Variants in TRIO observed in about 807,000 individuals in gnomAD.
The protein encoded by TRIO is triple functional domain protein.
Under a neutral mutation model 351.9 loss-of-function variants are expected in TRIO, and 58 were observed. That is an observed-to-expected ratio of 0.16 (90% CI 0.13 to 0.21). The LOEUF (loss-of-function observed/expected upper bound fraction) is 0.21. TRIO is among the 10% of genes least tolerant of loss of function. The probability of loss-of-function intolerance (pLI) is 1.00; values close to 1 mark genes in which losing one functional copy is unlikely to be tolerated. For missense variants in TRIO, 3,201 were observed against 4,027.8 expected (o/e 0.79, Z 5.56); for synonymous variants, 1,758 against 1,595.7 (o/e 1.10, Z -2.42).
chr5:14,268,036 A>T (rs1032318410), intron 1 of TRIO, among the ~76,000 whole-genome samples: 1 of 152,240 alleles, frequency 6.6e-6, no homozygotes, highest in Non-Finnish European at 1.5e-5. Flanking sequence ...ACCTTTTCAC[A>T]TAAGTTTCTC....
Position 14,465,568 on chromosome 5 carries a change from C to T in TRIO, c.5691C>T (p.Arg1897=). The T allele has an allele frequency of 2.5e-6, 4 of 1,614,046 alleles. No homozygotes were observed. Among genetic ancestry groups the T allele is most frequent in the Non-Finnish European group, 3.4e-6 (4 of 1,180,020 alleles). Residue 1897 remains arginine, a synonymous_variant, in exon 37 of 57, where the codon CGC becomes CGT. Transcript: ENST00000344204. ...AGGCCTCTTCTCGGTTATTAGTCCG[C>T]CCCACCAGCTCCGAAACACCGAGTG... ...DDKASSRLLV[R]PTSSETPSAA... is the part of the protein sequence containing the mutation.
chr5:14,397,261 A>G, intron 29 of TRIO, 107 bp downstream of exon 29: 2 of 808,180 alleles, frequency 2.5e-6, no homozygotes, highest in Non-Finnish European at 3.9e-6. Flanking sequence ...TCTCTATGTT[A>G]GTGGTTAAGA....
chr5:14,307,031 T>C (rs809565), intron 8 of TRIO, among the ~76,000 whole-genome samples: 7,539 of 152,262 alleles, frequency 0.05, 225 homozygotes, highest in African/African-American at 0.057. Flanking sequence ...TAATTTGAAC[T>C]GGATGAACTG....
Position 14,384,496 on chromosome 5 carries a change from ATAGAAT to A in TRIO, c.3571-2941_3571-2936del, listed in dbSNP as rs1200331251. Among the ~76,000 whole-genome samples, 4 of 152,350 alleles carry A rather than the reference ATAGAAT, an allele frequency of 2.6e-5. No homozygotes were observed. In the East Asian group the frequency reaches 7.7e-4, roughly 29 times the overall value. On this transcript the variant is annotated intron_variant, in intron 21 of 56. Coordinates refer to ENST00000344204, the MANE Select transcript of TRIO (RefSeq NM_007118.4). ...CTGTAACGATCTCTAGAGATAACAA[ATAGAAT>A]AAGAATGAAAATCCTTATAATATCT...
At chr5:14,213,600 G>T (rs1213452447) in intron 1 of TRIO, among the ~76,000 whole-genome samples, 1 of 152,074 alleles carries the variant, frequency 6.6e-6, no homozygotes, top group Non-Finnish European at 1.5e-5. Context: ...TTCTATAAAG[G>T]CTAAATTGAT....
At chr5:14,222,279 T>C (rs949954198) in intron 1 of TRIO, among the ~76,000 whole-genome samples, 1 of 152,162 alleles carries the variant, frequency 6.6e-6, no homozygotes, top group Non-Finnish European at 1.5e-5. Flanking sequence ...ATAATTTTTA[T>C]ATGCACTAGG....
At chr5:14,207,303 T>C (rs1307800074) in intron 1 of TRIO, among the ~76,000 whole-genome samples, 1 of 11,740 alleles carries the variant, frequency 8.5e-5, no homozygotes, top group Non-Finnish European at 1.8e-4. Context: ...CCAGGTAGCA[T>C]AGCAAGACTG....
At chr5:14,216,490 A>G (rs1285605123) in intron 1 of TRIO, among the ~76,000 whole-genome samples, 1 of 152,214 alleles carries the variant, frequency 6.6e-6, no homozygotes, top group East Asian at 1.9e-4. Flanking sequence ...TTGGTGTTGC[A>G]TGTCCAATCA....
chr5:14,389,230 G>GCTGTTTCTGACAT, intron 24 of TRIO, 59 bp from the exon 25 acceptor site: 3 of 1,288,264 alleles, frequency 2.3e-6, no homozygotes, highest in Non-Finnish European at 3.3e-6. Context: ...GTCAGAAACA[G>GCTGTTTCTGACAT]CTGTTTCTTG....
intron 3 of TRIO, among the ~76,000 whole-genome samples, chr5:14,285,059 A>T (rs1736322795): frequency 6.6e-6 from 1 of 152,002 alleles, no homozygotes; most frequent in African/African-American, 2.4e-5. Context: ...ACTTTAGGAG[A>T]TGTTTCTGGG....
chr5:14,488,105 C>A lies in TRIO; in HGVS notation c.7477C>A (p.Pro2493Thr), dbSNP rs759022594. 1.2e-6 allele frequency: 2 copies of A among 1,609,798 alleles called. No individual in the cohort carries two copies. Among genetic ancestry groups the A allele is most frequent in the African/African-American group, 2.7e-5 (2 of 74,896 alleles). Residue 2493 changes from proline (P) to threonine (T), a missense_variant, in exon 48 of 57, where the codon CCC becomes ACC. Physicochemically the swap from Pro to Thr is conservative, Grantham distance 38. This residue lies in a region of TRIO where 1,089 missense variants were observed against 954.9 expected (regional missense o/e 1.14). Coordinates refer to ENST00000344204, the MANE Select transcript of TRIO (RefSeq NM_007118.4). Reference sequence around the variant, plus strand: ...CTTCTGGAGCTCCATCCCCGCCTCCCCCGCCAGCCGACCCGGCTCCTTCAC... The same window carrying A: ...CTTCTGGAGCTCCATCCCCGCCTCCACCGCCAGCCGACCCGGCTCCTTCAC... Reference protein sequence around the residue: ...GSFWSSIPASPASRPGSFTFP... With the variant: ...GSFWSSIPASTASRPGSFTFP...
At chr5:14,396,577 C>A (rs977963711) in intron 28 of TRIO, among the ~76,000 whole-genome samples, 2 of 144,148 alleles carry the variant, frequency 1.4e-5, no homozygotes, top group African/African-American at 5.1e-5. Context: ...TCATGTGATT[C>A]TCCTCCCTCA....
chr5:14,369,418 A>G lies in TRIO; in HGVS notation c.3111A>G (p.Glu1037=), dbSNP rs1340365688. ...LESLEQEYKR[E]EDWCGGADKL... is the part of the protein sequence containing the mutation. ...GCCTGGAACAGGAGTACAAGAGAGA[A>G]GAAGACTGGTGTGGCGGGGCGGATA... Residue 1037 remains glutamate (E), a synonymous_variant, in exon 18 of 57, where the codon GAA becomes GAG. Coordinates refer to ENST00000344204, the MANE Select transcript of TRIO (RefSeq NM_007118.4). 1 of 1,614,188 alleles carries G rather than the reference A, an allele frequency of 6.2e-7. No individual in the cohort carries two copies. The highest frequency in any genetic ancestry group is 1.7e-5 in the Admixed American group (1 of 60,034).
At chr5:14,255,188 A>T (rs1794961596) in intron 1 of TRIO, among the ~76,000 whole-genome samples, 1 of 152,218 alleles carries the variant, frequency 6.6e-6, no homozygotes, top group African/African-American at 2.4e-5. Context: ...AGCTTTAAAG[A>T]GGATGTGGAA....
chr5:14,322,412 A>G (rs184611128), intron 9 of TRIO, among the ~76,000 whole-genome samples: 34 of 152,336 alleles, frequency 2.2e-4, no homozygotes, highest in Admixed American at 3.9e-4. Context: ...GAGATCTCTC[A>G]TGAGGATTTT....
chr5:14,315,618 G>T (rs1160968716), intron 8 of TRIO, among the ~76,000 whole-genome samples: 1 of 152,050 alleles, frequency 6.6e-6, no homozygotes, highest in Non-Finnish European at 1.5e-5. Context: ...ATGTGAAGAG[G>T]CCCTACCTAC....
At chr5:14,394,258 C>T (rs1257103849) in intron 28 of TRIO, 128 bp downstream of exon 28, 3 of 600,286 alleles carry the variant, frequency 5.0e-6, no homozygotes, top group African/African-American at 1.9e-5. Context: ...CTTTTTAATT[C>T]ATTAGTATTT....
chr5:14,250,428 T>G (rs918037780), intron 1 of TRIO, among the ~76,000 whole-genome samples: 22 of 152,354 alleles, frequency 1.4e-4, no homozygotes, highest in African/African-American at 5.3e-4. Flanking sequence ...ACAGCTGAAC[T>G]GCAGTGGGAG....
chr5:14,309,088 C>T (rs1045345104), intron 8 of TRIO, among the ~76,000 whole-genome samples: 7 of 28 alleles, frequency 0.25, no homozygotes, highest in Non-Finnish European at 0.38. Context: ...ACCCACCCAT[C>T]CACACATTAT....
Sources: allele counts gnomAD v4.1 joint callset (sites outside exome capture counted in the v4.1 genomes callset), GRCh38; gene constraint gnomAD v4.1.1; regional missense constraint gnomAD v4.1.1; transcripts MANE v1.5; gene names NCBI Gene and HGNC (gene_info 2026-07-23, HGNC 2026-07-21).